Variants in PKP4 observed in about 807,000 individuals in gnomAD.
The protein encoded by PKP4 is plakophilin 4.
In PKP4, 90 loss-of-function variants were observed where a neutral mutation model predicts 145.1. The observed-to-expected ratio is 0.62, with a 90% confidence interval of 0.52 to 0.74. The LOEUF is 0.74. Among genes scored for constraint, PKP4 ranks in the 30% least tolerant of loss-of-function variants. The probability of loss-of-function intolerance (pLI) is 0.00; values close to 1 mark genes in which losing one functional copy is unlikely to be tolerated. For synonymous variants in PKP4, 563 were observed against 577.2 expected (o/e 0.98, Z 0.35); for missense variants, 1,340 against 1,482.7 (o/e 0.90, Z 1.58).
At chr2:158,508,020 C>T (rs998097534) in intron 1 of PKP4, among the ~76,000 whole-genome samples, 14 of 151,996 alleles carry the variant, frequency 9.2e-5, no homozygotes, top group Admixed American at 6.6e-4. Flanking sequence ...TTCCCCCACT[C>T]AAAGACCATT....
Position 158,625,411 on chromosome 2 carries a change from G to C in PKP4, c.1137G>C (p.Arg379Ser). 6.2e-7 allele frequency: 1 copy of C among 1,611,136 alleles called. No individual in the cohort carries two copies. The highest frequency in any genetic ancestry group is 8.5e-7 in the Non-Finnish European group (1 of 1,177,634). The change falls in exon 7 of 22, where the codon AGG becomes AGC. Residue 379 changes from arginine (R) to serine (S), a missense_variant. Arg to Ser is a moderately radical substitution (Grantham distance 110, BLOSUM62 -1). Transcript: ENST00000389759. Reference sequence around the variant, plus strand: ...TTTATGAGAGGATGGTTCCACCCAGGCCAGACAGCCTGACAGGTGCGTACA... The same window carrying C: ...TTTATGAGAGGATGGTTCCACCCAGCCCAGACAGCCTGACAGGTGCGTACA... Reference protein sequence around the residue: ...YDIYERMVPPRPDSLTGLRSS... With the variant: ...YDIYERMVPPSPDSLTGLRSS...
chr2:158,603,038 A>G (rs756283136), intron 3 of PKP4, 32 bp from the exon 4 acceptor site: 6 of 1,358,024 alleles, frequency 4.4e-6, no homozygotes, highest in Non-Finnish European at 6.1e-6. Context: ...AAAATAAATA[A>G]ATGTTCCATT....
chr2:158,603,041 G>A, intron 3 of PKP4, 29 bp from the exon 4 acceptor site: 4 of 1,380,038 alleles, frequency 2.9e-6, no homozygotes, highest in South Asian at 1.4e-5. Flanking sequence ...ATAAATAAAT[G>A]TTCCATTTTT....
intron 4 of PKP4, among the ~76,000 whole-genome samples, chr2:158,606,091 A>G (rs1396375358): frequency 6.6e-6 from 1 of 152,198 alleles, no homozygotes; most frequent in Non-Finnish European, 1.5e-5. Context: ...AAAGTTTTGA[A>G]TATATGTTTT....
rs1422926253 is a variant in PKP4, at chr2:158,654,766, G to GTAA, written c.1910-3353_1910-3351dup. 3.9e-5 allele frequency among the ~76,000 whole-genome samples: 6 copies of GTAA among 152,156 alleles called. No homozygotes were observed. The South Asian group carries it at 1.2e-3, about 32-fold the overall frequency. ...TTTTACAAAAAGGCACAAAGGGGAGGTAATAATAATAATACTTATAAGCCA... is the reference window on the plus strand; with the variant it reads ...TTTTACAAAAAGGCACAAAGGGGAGGTAATAATAATAATAATACTTATAAGCCA... On this transcript the variant is annotated intron_variant, in intron 11 of 21. Coordinates refer to ENST00000389759, the MANE Select transcript of PKP4 (RefSeq NM_003628.6).
At chr2:158,497,751 T>A (rs2105484171) in intron 1 of PKP4, among the ~76,000 whole-genome samples, 1 of 152,382 alleles carries the variant, frequency 6.6e-6, no homozygotes, top group South Asian at 2.1e-4. Flanking sequence ...CTTAGCACTG[T>A]ATGAGTCATA....
At chr2:158,525,838 A>G (rs2042874377) in intron 1 of PKP4, among the ~76,000 whole-genome samples, 1 of 148,096 alleles carries the variant, frequency 6.8e-6, no homozygotes, top group Non-Finnish European at 1.5e-5. Flanking sequence ...AACTACCATC[A>G]GAGAATACTA....
chr2:158,520,994 C>G (rs1480340008), intron 1 of PKP4, among the ~76,000 whole-genome samples: 2 of 152,168 alleles, frequency 1.3e-5, no homozygotes, highest in Non-Finnish European at 2.9e-5. Context: ...TGTTAATAGT[C>G]ACTTGAGTTG....
intron 17 of PKP4, among the ~76,000 whole-genome samples, chr2:158,673,110 C>T (rs1337590126): frequency 6.6e-6 from 1 of 152,186 alleles, no homozygotes; most frequent in East Asian, 1.9e-4. Context: ...GTTGGCTATG[C>T]TTAAGCAGAG....
chr2:158,678,860 C>G, intron 21 of PKP4: 1 of 592,490 alleles, frequency 1.7e-6, no homozygotes, highest in Non-Finnish European at 3.1e-6. Context: ...CACATCGGTA[C>G]TGCTGAGACC....
intron 2 of PKP4, among the ~76,000 whole-genome samples, chr2:158,573,205 T>C (rs2047555715): frequency 6.6e-6 from 1 of 152,258 alleles, no homozygotes; most frequent in South Asian, 2.1e-4. Context: ...CTACATGTAT[T>C]GATGTTAATA....
chr2:158,511,448 T>A (rs538224756), intron 1 of PKP4, among the ~76,000 whole-genome samples: 1 of 152,248 alleles, frequency 6.6e-6, no homozygotes, highest in South Asian at 2.1e-4. Context: ...GTATCAAAAG[T>A]GTGATTTTGG....
intron 20 of PKP4, among the ~76,000 whole-genome samples, chr2:158,677,516 G>C (rs1381306345): frequency 1.3e-5 from 2 of 152,178 alleles, no homozygotes; most frequent in Non-Finnish European, 2.9e-5. Flanking sequence ...TCAACCGTCT[G>C]GCGATTATAA....
intron 1 of PKP4, among the ~76,000 whole-genome samples, chr2:158,466,945 C>T (rs1357428403): frequency 6.6e-6 from 1 of 152,046 alleles, no homozygotes; most frequent in African/African-American, 2.4e-5. Flanking sequence ...AGAGTTAAGA[C>T]AGAAGTAGAT....
At chr2:158,480,634 C>G (rs567317745) in intron 1 of PKP4, among the ~76,000 whole-genome samples, 4 of 151,466 alleles carry the variant, frequency 2.6e-5, no homozygotes, top group Non-Finnish European at 5.9e-5. Context: ...AAACCACACC[C>G]GAGATATTTA....
intron 2 of PKP4, among the ~76,000 whole-genome samples, chr2:158,535,405 T>G (rs1422189104): frequency 6.6e-6 from 1 of 152,182 alleles, no homozygotes; most frequent in East Asian, 1.9e-4. Flanking sequence ...TTAAATGGGA[T>G]GCATAATTAT....
intron 1 of PKP4, among the ~76,000 whole-genome samples, chr2:158,464,308 A>C (rs183978216): frequency 2.4e-4 from 36 of 152,332 alleles, no homozygotes; most frequent in African/African-American, 8.7e-4. Flanking sequence ...TTTTCATTCA[A>C]GTCTAATTTT....
chr2:158,593,017 A>G (rs2049407516), intron 3 of PKP4, among the ~76,000 whole-genome samples: 1 of 152,190 alleles, frequency 6.6e-6, no homozygotes, highest in Non-Finnish European at 1.5e-5. Context: ...TGCTTTATTT[A>G]CAAGTATAAC....
chr2:158,458,621 A>G (rs1464626025), intron 1 of PKP4, among the ~76,000 whole-genome samples: 1 of 152,212 alleles, frequency 6.6e-6, no homozygotes, highest in Non-Finnish European at 1.5e-5. Context: ...GCTCTATCAA[A>G]AAATGCCTGT....
Sources: gnomAD v4.1 joint callset for allele counts (sites outside exome capture counted in the v4.1 genomes callset) on GRCh38, gnomAD v4.1.1 for gene constraint, MANE v1.5 for transcripts, NCBI Gene and HGNC (gene_info 2026-07-23, HGNC 2026-07-21) for gene names.